The following SLC3A1 variants were observed in gnomAD, a reference collection of about 807,000 sequenced individuals.
The protein encoded by SLC3A1 is amino acid transporter heavy chain SLC3A1.
Under a neutral mutation model 60.3 loss-of-function variants are expected in SLC3A1, and 78 were observed. The ratio of observed to expected loss-of-function variants is 1.29; its 90% confidence interval spans 1.08 to 1.56. The LOEUF (loss-of-function observed/expected upper bound fraction) is 1.56, where lower values mean the gene tolerates loss of function less well. SLC3A1 is among the 40% of genes most tolerant of loss of function. The probability of loss-of-function intolerance (pLI) is 0.00; values close to 1 mark genes in which losing one functional copy is unlikely to be tolerated. For missense variants in SLC3A1, 1,172 were observed against 858.9 expected (o/e 1.36, Z -4.56); for synonymous variants, 392 against 307.9 (o/e 1.27, Z -2.86).
At position 44,304,372 on chromosome 2, in the gene SLC3A1, C is replaced by T. The variant is rs771717231; in HGVS notation, c.1332+34C>T. On this transcript the variant is annotated intron_variant, in intron 7 of 9. Coordinates refer to ENST00000260649, the MANE Select transcript of SLC3A1 (RefSeq NM_000341.4). ...TCATGACAGCAGAGTACATAATGTGCTGCTGTTGCCTTTGCTGTCCAGTTA... is the reference window on the plus strand; with the variant it reads ...TCATGACAGCAGAGTACATAATGTGTTGCTGTTGCCTTTGCTGTCCAGTTA... 5 of 1,522,940 alleles carry T rather than the reference C, an allele frequency of 3.3e-6. No individual in the cohort carries two copies. The African/African-American group carries it at 4.1e-5, about 12-fold the overall frequency. 94.3% of individuals were successfully genotyped at this position (1,522,940 alleles called of 1,614,324 possible).
chr2:44,303,062 G>T (rs530079216), intron 6 of SLC3A1, among the ~76,000 whole-genome samples: 1 of 151,604 alleles, frequency 6.6e-6, no homozygotes, highest in Admixed American at 6.6e-5. Flanking sequence ...TTAGCTGGGC[G>T]TGGTGGCGGG....
chr2:44,294,430 G>A (rs1303458276), intron 4 of SLC3A1, among the ~76,000 whole-genome samples: 2 of 151,542 alleles, frequency 1.3e-5, no homozygotes, highest in Non-Finnish European at 2.9e-5. Flanking sequence ...GCTTGAACCC[G>A]GGAGGCAAAG....
intron 7 of SLC3A1, among the ~76,000 whole-genome samples, chr2:44,307,183 G>C (rs1050076332): frequency 2.8e-4 from 42 of 152,134 alleles, no homozygotes; most frequent in African/African-American, 1.0e-3. Context: ...TCAGTACATC[G>C]TTCCTTTTTA....
intron 4 of SLC3A1, among the ~76,000 whole-genome samples, chr2:44,293,191 G>C (rs771636133): frequency 1.8e-4 from 28 of 152,136 alleles, no homozygotes; most frequent in Non-Finnish European, 3.1e-4. Flanking sequence ...GGAGCTGCCT[G>C]TGACACATCC....
intron 9 of SLC3A1, chr2:44,318,737 T>C (rs529174917): frequency 6.6e-5 from 10 of 152,264 alleles, no homozygotes; most frequent in East Asian, 1.9e-4. Flanking sequence ...ATTCTTGTAA[T>C]TGAATAAAAA....
intron 9 of SLC3A1, chr2:44,314,394 C>G (rs919884274): frequency 3.6e-6 from 1 of 274,562 alleles, no homozygotes; most frequent in African/African-American, 2.2e-5. Context: ...AAACAGAAGC[C>G]ATACATGATC....
Position 44,308,644 on chromosome 2 carries a change from C to A in SLC3A1, c.1333-3942C>A, listed in dbSNP as rs868378093. Among the ~76,000 whole-genome samples, 4 of 152,038 alleles carry A rather than the reference C, an allele frequency of 2.6e-5. No homozygotes were observed. In the South Asian group the frequency reaches 6.2e-4, roughly 24 times the overall value. Reference sequence around the variant, plus strand: ...TCTTCATTATTAGTGTATAGAAATACAATAGATTTGTGTATATTGATCTTG... The same window carrying A: ...TCTTCATTATTAGTGTATAGAAATAAAATAGATTTGTGTATATTGATCTTG... On this transcript the variant is annotated intron_variant, in intron 7 of 9. Transcript: ENST00000260649.
At chr2:44,300,147 GTTTTCTTTC>G in intron 5 of SLC3A1, 57 bp downstream of exon 5, 1 of 1,574,796 alleles carries the variant, frequency 6.4e-7, no homozygotes, top group Non-Finnish European at 8.7e-7. Context: ...TCATCAGAGT[GTTTTCTTTC>G]TCAGCCTGAG....
chr2:44,304,103 G>C (rs1464467662), intron 6 of SLC3A1, 40 bp from the exon 7 acceptor site: 1 of 1,553,128 alleles, frequency 6.4e-7, no homozygotes, highest in Non-Finnish European at 8.9e-7. Flanking sequence ...CCAGTCTTCT[G>C]ACAGGCCCCG....
chr2:44,300,984 G>T lies in SLC3A1; in HGVS notation c.1012-19G>T. 2 of 1,613,540 alleles carry T rather than the reference G, an allele frequency of 1.2e-6. No individual in the cohort carries two copies. Among genetic ancestry groups the T allele is most frequent in the South Asian group, 1.1e-5 (1 of 91,044 alleles). Reference sequence around the variant, plus strand: ...CAATGTATGAAATGAGGGTAACCATGTCGTCCTGGTTTTCAAAGGACACGG... The same window carrying T: ...CAATGTATGAAATGAGGGTAACCATTTCGTCCTGGTTTTCAAAGGACACGG... On this transcript the variant is annotated intron_variant, in intron 5 of 9. Transcript: ENST00000260649.
At chr2:44,300,637 T>A (rs1222190961) in intron 5 of SLC3A1, among the ~76,000 whole-genome samples, 1 of 152,228 alleles carries the variant, frequency 6.6e-6, no homozygotes, top group Non-Finnish European at 1.5e-5. Context: ...TTAATAGTTT[T>A]GTGAGCAGAT....
intron 9 of SLC3A1, chr2:44,319,959 G>A: frequency 4.0e-6 from 2 of 497,168 alleles, no homozygotes; most frequent in Non-Finnish European, 7.2e-6. Context: ...ACTCTACAAT[G>A]TAGCAGAGCA....
intron 7 of SLC3A1, among the ~76,000 whole-genome samples, chr2:44,311,277 G>A (rs1421153705): frequency 1.3e-5 from 2 of 151,914 alleles, no homozygotes; most frequent in Non-Finnish European, 2.9e-5. Flanking sequence ...TTTGATAACT[G>A]TTCATATACT....
At chr2:44,293,822 C>T (rs778308307) in intron 4 of SLC3A1, among the ~76,000 whole-genome samples, 5 of 152,178 alleles carry the variant, frequency 3.3e-5, no homozygotes, top group African/African-American at 1.2e-4. Context: ...ACTTACCAAC[C>T]ATGACCTTGT....
chr2:44,304,350 T>C lies in SLC3A1; in HGVS notation c.1332+12T>C, dbSNP rs1189891529. On this transcript the variant is annotated intron_variant, in intron 7 of 9. Transcript: ENST00000260649. ...GGCCTAACTGGATGGTAAGTCCTCA[T>C]GACAGCAGAGTACATAATGTGCTGC... is the stretch of plus-strand genomic sequence containing the variant. 3.8e-6 allele frequency: 6 copies of C among 1,599,930 alleles called. No individual in the cohort carries two copies. Among genetic ancestry groups the C allele is most frequent in the African/African-American group, 1.3e-5 (1 of 74,696 alleles).
chr2:44,321,461 T>TA lies in SLC3A1; in HGVS notation c.*829dup. 2 of 1,605,242 alleles carry TA rather than the reference T, an allele frequency of 1.2e-6. No individual in the cohort carries two copies. The highest frequency in any genetic ancestry group is 1.1e-5 in the South Asian group (1 of 90,476). ...GGGCTGTAATCTAAAAGAAACACAT[T>TA]AAAAAAATTAAATAGAAGGCCTTTG... On this transcript the variant is annotated 3_prime_UTR_variant, in exon 10 of 10. Transcript: ENST00000260649.
In SLC3A1 at chr2:44,301,008, G is replaced by A. The variant is rs751691094; in HGVS notation, c.1017G>A (p.Thr339=). Residue 339 remains threonine, a synonymous_variant, in exon 6 of 10, where the codon ACG becomes ACA. Transcript: ENST00000260649. ...TGTCGTCCTGGTTTTCAAAGGACAC[G>A]GTCACACAATACTCGGAGCTGTACC... The part of the protein sequence containing the change: ...IQVNKTQIPD[T]VTQYSELYHD... 23 of 1,614,042 alleles carry A rather than the reference G, an allele frequency of 1.4e-5. 1 individual carries two copies. The South Asian group carries it at 1.4e-4, about 10-fold the overall frequency.
At position 44,320,553 on chromosome 2, in the gene SLC3A1, C is replaced by CG; in HGVS notation, c.1973dup (p.Gln659ProfsTer7). The CG allele has an allele frequency of 6.2e-7, 1 of 1,614,058 alleles. No homozygotes were observed. Among genetic ancestry groups the CG allele is most frequent in the Non-Finnish European group, 8.5e-7 (1 of 1,179,944 alleles). On this transcript the variant is annotated frameshift_variant, in exon 10 of 10. Transcript: ENST00000260649. LOFTEE classifies it low-confidence loss of function (END_TRUNC). ...ACACAACACGAAGAATCTCCTTCAT[C>CG]GCCAAACAGCTTTCAGAGATAGATG...
At chr2:44,290,818 T>G (rs1671726012) in intron 4 of SLC3A1, among the ~76,000 whole-genome samples, 1 of 150,748 alleles carries the variant, frequency 6.6e-6, no homozygotes, top group African/African-American at 2.4e-5. Context: ...GGTTGTGGGG[T>G]GGGTAGTTGT....
Sources: gnomAD v4.1 joint callset for allele counts (sites outside exome capture counted in the v4.1 genomes callset) on GRCh38, gnomAD v4.1.1 for gene constraint, MANE v1.5 for transcripts, NCBI Gene and HGNC (gene_info 2026-07-23, HGNC 2026-07-21) for gene names.